MALRD1: variants seen among roughly 807,000 people sequenced by gnomAD.
MALRD1 encodes MAM and LDL-receptor class A domain-containing protein 1.
MALRD1 carries 247 observed loss-of-function variants against 242.1 expected under a neutral mutation model. That is an observed-to-expected ratio of 1.02 (90% CI 0.92 to 1.13). The LOEUF is 1.13. Among genes scored for constraint, MALRD1 ranks in the 50% most tolerant of loss-of-function variants. The pLI is 0.00. For missense variants in MALRD1, 2,989 were observed against 2,533.1 expected (o/e 1.18, Z -3.86); for synonymous variants, 995 against 866.6 (o/e 1.15, Z -2.60).
At chr10:19,275,529 C>T (rs949013135) in intron 19 of MALRD1, among the ~76,000 whole-genome samples, 1 of 151,996 alleles carries the variant, frequency 6.6e-6, no homozygotes, top group Admixed American at 6.6e-5. Context: ...ATTAGCCTGG[C>T]GTGGTGGCGG....
intron 14 of MALRD1, among the ~76,000 whole-genome samples, chr10:19,195,212 T>TG (rs1358036028): frequency 7.2e-5 from 11 of 152,186 alleles, no homozygotes; most frequent in Non-Finnish European, 1.3e-4. Flanking sequence ...TGTAAATAAA[T>TG]GGGGATTACT....
intron 1 of MALRD1, among the ~76,000 whole-genome samples, chr10:19,059,987 C>A (rs1330537743): frequency 6.6e-6 from 1 of 152,122 alleles, no homozygotes; most frequent in Admixed American, 6.5e-5. Context: ...TTAGCAAAGG[C>A]AGTCAATATC....
intron 21 of MALRD1, among the ~76,000 whole-genome samples, chr10:19,309,597 G>T (rs532126024): frequency 6.6e-6 from 1 of 151,674 alleles, no homozygotes; most frequent in African/African-American, 2.4e-5. Flanking sequence ...TAGAGACTGT[G>T]TGAACAGGTG....
intron 33 of MALRD1, among the ~76,000 whole-genome samples, 174 bp from the exon 34 acceptor site, chr10:19,595,020 A>C (rs1838008375): frequency 6.6e-6 from 1 of 152,162 alleles, no homozygotes; most frequent in Non-Finnish European, 1.5e-5. Context: ...CATTATGATA[A>C]GGTATATTCT....
At chr10:19,507,590 C>A (rs1340322144) in intron 31 of MALRD1, among the ~76,000 whole-genome samples, 3 of 152,062 alleles carry the variant, frequency 2.0e-5, no homozygotes, top group Non-Finnish European at 4.4e-5. Flanking sequence ...TACATAAATT[C>A]TTCTTTAATA....
intron 28 of MALRD1, among the ~76,000 whole-genome samples, chr10:19,413,861 G>C (rs1169827208): frequency 1.3e-5 from 2 of 151,412 alleles, no homozygotes; most frequent in Non-Finnish European, 2.9e-5. Flanking sequence ...TGAGGCTGGA[G>C]AATCGCTTGA....
chr10:19,271,099 C>T (rs991393173), intron 19 of MALRD1, among the ~76,000 whole-genome samples: 1 of 152,100 alleles, frequency 6.6e-6, no homozygotes, highest in Non-Finnish European at 1.5e-5. Context: ...TGAAATTGTA[C>T]ATACCCCGTA....
At chr10:19,200,615 G>C (rs1233228530) in intron 14 of MALRD1, among the ~76,000 whole-genome samples, 1 of 140,986 alleles carries the variant, frequency 7.1e-6, no homozygotes, top group East Asian at 2.4e-4. Context: ...ATCTGATTCT[G>C]GGCTTTTTTT....
intron 29 of MALRD1, among the ~76,000 whole-genome samples, chr10:19,468,576 T>C (rs1310307463): frequency 6.6e-6 from 1 of 151,964 alleles, no homozygotes; most frequent in Non-Finnish European, 1.5e-5. Flanking sequence ...ATAAGCACAT[T>C]GAAATAAAGT....
At chr10:19,062,106 C>A (rs1403350712) in intron 1 of MALRD1, among the ~76,000 whole-genome samples, 1 of 151,996 alleles carries the variant, frequency 6.6e-6, no homozygotes, top group Non-Finnish European at 1.5e-5. Flanking sequence ...AAAAAATGAA[C>A]AAAGACCTTG....
At chr10:19,182,324 AT>A (rs34790120) in intron 14 of MALRD1, among the ~76,000 whole-genome samples, 352 of 81,940 alleles carry the variant, frequency 4.3e-3, no homozygotes, top group African/African-American at 5.9e-3. Context: ...CAAAACCTAC[AT>A]TTTTTTTTTT....
At chr10:19,449,281 A>T (rs555412051) in intron 28 of MALRD1, among the ~76,000 whole-genome samples, 160 of 152,214 alleles carry the variant, frequency 1.1e-3, no homozygotes, top group African/African-American at 3.8e-3. Context: ...GGTTCAAGTG[A>T]TTCTCCTGCC....
intron 29 of MALRD1, among the ~76,000 whole-genome samples, chr10:19,482,932 A>G (rs960164950): frequency 2.6e-5 from 4 of 152,088 alleles, no homozygotes; most frequent in African/African-American, 9.7e-5. Context: ...TCACAAAATT[A>G]GAAAACACTA....
intron 36 of MALRD1, among the ~76,000 whole-genome samples, chr10:19,673,044 T>C (rs933305627): frequency 6.6e-6 from 1 of 152,156 alleles, no homozygotes; most frequent in Admixed American, 6.5e-5. Context: ...TTTTCTGCTA[T>C]ATTTTTACTT....
intron 35 of MALRD1, among the ~76,000 whole-genome samples, chr10:19,609,454 A>G (rs908365855): frequency 6.6e-6 from 1 of 152,068 alleles, no homozygotes; most frequent in Non-Finnish European, 1.5e-5. Flanking sequence ...GTCAATGTAC[A>G]TTACACATTA....
intron 38 of MALRD1, chr10:19,710,297 T>G (rs1392007738): frequency 1.3e-5 from 2 of 152,188 alleles, no homozygotes; most frequent in Non-Finnish European, 2.9e-5. Flanking sequence ...TTGCATTTTT[T>G]TTTTTAGAGA....
At chr10:19,239,279 C>G (rs1838651370) in intron 18 of MALRD1, among the ~76,000 whole-genome samples, 1 of 152,042 alleles carries the variant, frequency 6.6e-6, no homozygotes, top group African/African-American at 2.4e-5. Context: ...AGGCTGTTCT[C>G]AAACTCCTGA....
intron 34 of MALRD1, among the ~76,000 whole-genome samples, chr10:19,600,927 C>T (rs935693197): frequency 6.6e-6 from 1 of 151,990 alleles, no homozygotes; most frequent in African/African-American, 2.4e-5. Flanking sequence ...CTCTTTTGCC[C>T]AGGTTGGAGT....
intron 18 of MALRD1, among the ~76,000 whole-genome samples, chr10:19,249,861 T>G (rs574654497): frequency 6.6e-6 from 1 of 151,584 alleles, no homozygotes; most frequent in East Asian, 1.9e-4. Flanking sequence ...TAAGTCGAGT[T>G]TAAATCGATC....
Sources: gnomAD v4.1 joint callset for allele counts (sites outside exome capture counted in the v4.1 genomes callset) on GRCh38, gnomAD v4.1.1 for gene constraint, MANE v1.5 for transcripts, NCBI Gene and HGNC (gene_info 2026-07-23, HGNC 2026-07-21) for gene names.